Variants in MED12L observed in about 807,000 individuals in gnomAD.
MED12L encodes mediator complex subunit 12L, also known as mediator of RNA polymerase II transcription subunit 12-like protein.
MED12L carries 60 observed loss-of-function variants against 281.3 expected under a neutral mutation model. That is an observed-to-expected ratio of 0.21 (90% CI 0.17 to 0.26). MED12L has a LOEUF of 0.26. MED12L is among the 10% of genes least tolerant of loss of function. The pLI, the probability that MED12L is intolerant of heterozygous loss-of-function variation, is 1.00. For missense variants in MED12L, 2,146 were observed against 2,680.9 expected (o/e 0.80, Z 4.41); for synonymous variants, 974 against 987.2 (o/e 0.99, Z 0.25).
chr3:151,235,165 A>G (rs1185759895), intron 16 of MED12L, among the ~76,000 whole-genome samples: 1 of 152,176 alleles, frequency 6.6e-6, no homozygotes, highest in Non-Finnish European at 1.5e-5. Flanking sequence ...ATAAAAAGTA[A>G]AAGCTTAACC....
chr3:151,350,112 C>G lies in MED12L; in HGVS notation c.2304C>G (p.Val768=). The G allele has an allele frequency of 6.2e-7, 1 of 1,612,890 alleles. No individual in the cohort carries two copies. Among genetic ancestry groups the G allele is most frequent in the South Asian group, 1.1e-5 (1 of 90,960 alleles). Residue 768 remains valine (V), a synonymous_variant, in exon 17 of 45, where the codon GTC becomes GTG. Transcript: ENST00000687756. ...CNQRTILLYG[V]GKERDEARHQ... ...AGCGCACAATCCTTCTCTATGGAGT[C>G]GGCAAAGAGCGTGATGAAGCAAGGC...
intron 16 of MED12L, chr3:151,326,424 T>C (rs1039831986): frequency 2.6e-5 from 4 of 152,484 alleles, no homozygotes; most frequent in Admixed American, 1.3e-4. Context: ...TACAATGCAA[T>C]GTGATAAGTT....
Position 151,223,656 on chromosome 3 carries a change from G to C in MED12L, c.2250+29990G>C, listed in dbSNP as rs1047387080. Among the ~76,000 whole-genome samples the C allele has an allele frequency of 9.8e-5, 15 of 152,308 alleles. No homozygotes were observed. The South Asian group carries it at 3.1e-3, about 32-fold the overall frequency. ...AACATTGGATACACATGGACACAAA[G>C]ATGGGAACAGTAGACACTGGAGACT... On this transcript the variant is annotated intron_variant, in intron 16 of 44. Transcript: ENST00000687756.
At chr3:151,365,257 G>C in intron 22 of MED12L, 51 bp downstream of exon 22, 3 of 1,482,382 alleles carry the variant, frequency 2.0e-6, no homozygotes, top group Non-Finnish European at 2.8e-6. Context: ...TTGTTGCCTT[G>C]GTGCTTCTTT....
chr3:151,385,713 TGGG>T (rs76491731), intron 36 of MED12L, among the ~76,000 whole-genome samples: 13 of 119,048 alleles, frequency 1.1e-4, no homozygotes, highest in Non-Finnish European at 1.2e-4. Flanking sequence ...ACCCTGTCTC[TGGG>T]GGGGGAAAAA....
At chr3:151,146,218 G>A (rs1717737505) in intron 5 of MED12L, among the ~76,000 whole-genome samples, 1 of 152,176 alleles carries the variant, frequency 6.6e-6, no homozygotes, top group African/African-American at 2.4e-5. Context: ...TTGTGCACTA[G>A]CGTTTGAGGA....
At chr3:151,328,921 C>T in intron 16 of MED12L, 2 of 1,613,854 alleles carry the variant, frequency 1.2e-6, no homozygotes, top group Non-Finnish European at 1.7e-6. Flanking sequence ...CTGGGAATAC[C>T]AGCTGTACTA....
At chr3:151,402,875 T>A (rs1466749992) in intron 39 of MED12L, among the ~76,000 whole-genome samples, 1 of 152,166 alleles carries the variant, frequency 6.6e-6, no homozygotes, top group African/African-American at 2.4e-5. Context: ...GTCATTAGGC[T>A]AAAAAATCTT....
intron 2 of MED12L, among the ~76,000 whole-genome samples, chr3:151,114,346 GC>G (rs1191920711): frequency 6.6e-6 from 1 of 152,066 alleles, no homozygotes; most frequent in Non-Finnish European, 1.5e-5. Context: ...CAAAACAGTG[GC>G]CCGCCAAGGC....
intron 15 of MED12L, 93 bp downstream of exon 15, chr3:151,192,747 G>A (rs1724151898): frequency 2.5e-6 from 2 of 785,890 alleles, no homozygotes; most frequent in Non-Finnish European, 4.3e-6. Context: ...AGAATGACTT[G>A]CACATTTGTG....
Position 151,086,884 on chromosome 3 carries a change from C to A in MED12L, c.-43C>A. On this transcript the variant is annotated 5_prime_UTR_variant, in exon 2 of 45. Coordinates refer to ENST00000687756, the MANE Select transcript of MED12L (RefSeq NM_001393769.1). ...CCCTGGTGCTCAGAGGCGGCTGCTC[C>A]AGCTCCAACTCTCATTCATTTCGCC... The A allele has an allele frequency of 6.7e-7, 1 of 1,498,266 alleles. No individual in the cohort carries two copies. Among genetic ancestry groups the A allele is most frequent in the Non-Finnish European group, 9.0e-7 (1 of 1,105,566 alleles). The allele number at this position is 1,498,266 out of a possible 1,614,324, so 92.8% of individuals were successfully genotyped here. A position where few individuals can be genotyped will look rare whatever the true frequency, so the allele number is the denominator to read the frequency against.
intron 5 of MED12L, among the ~76,000 whole-genome samples, chr3:151,132,164 A>C (rs1177633832): frequency 6.6e-6 from 1 of 152,208 alleles, no homozygotes; most frequent in Non-Finnish European, 1.5e-5. Context: ...TATTTTTAAA[A>C]TGTATGAATT....
intron 16 of MED12L, chr3:151,270,090 T>A (rs1577190437): frequency 1.4e-5 from 3 of 220,126 alleles, no homozygotes; most frequent in South Asian, 6.1e-5. Flanking sequence ...ATGAAGATGA[T>A]GATGAAAGGG....
At chr3:151,093,374 C>G (rs966982540) in intron 2 of MED12L, among the ~76,000 whole-genome samples, 3 of 152,158 alleles carry the variant, frequency 2.0e-5, no homozygotes, top group African/African-American at 7.2e-5. Context: ...GAAGGAAGCT[C>G]AGAAATTTGC....
At chr3:151,158,129 G>C (rs1399988482) in intron 6 of MED12L, among the ~76,000 whole-genome samples, 1 of 152,128 alleles carries the variant, frequency 6.6e-6, no homozygotes, top group Non-Finnish European at 1.5e-5. Context: ...TTTTATTGTA[G>C]TTGTGTTGAA....
At chr3:151,402,087 A>C (rs187973054) in intron 39 of MED12L, among the ~76,000 whole-genome samples, 2 of 152,312 alleles carry the variant, frequency 1.3e-5, no homozygotes, top group African/African-American at 4.8e-5. Flanking sequence ...TTATGTACCT[A>C]TATGTAAAAT....
Position 151,430,243 on chromosome 3 carries a change from T to G in MED12L, c.6409-56T>G, listed in dbSNP as rs563923722. On this transcript the variant is annotated intron_variant, in intron 43 of 44. Transcript: ENST00000687756. ...GGCCCTGCGAGTTAGTCTCTGTTCTTGTCTGTGATTGGCACCATGGAATGA... is the reference window on the plus strand; with the variant it reads ...GGCCCTGCGAGTTAGTCTCTGTTCTGGTCTGTGATTGGCACCATGGAATGA... 5.0e-6 allele frequency: 8 copies of G among 1,610,440 alleles called. No individual in the cohort carries two copies. In the East Asian group the frequency reaches 1.8e-4, roughly 36 times the overall value.
At chr3:151,194,556 A>C (rs1368663829) in intron 16 of MED12L, among the ~76,000 whole-genome samples, 1 of 152,172 alleles carries the variant, frequency 6.6e-6, no homozygotes, top group Non-Finnish European at 1.5e-5. Context: ...GAACAAGAGT[A>C]TTTTAGTTGA....
Position 151,192,583 on chromosome 3 carries a change from T to C in MED12L, c.2002T>C (p.Ser668Pro). 1.3e-6 allele frequency: 2 copies of C among 1,536,228 alleles called. No individual in the cohort carries two copies. The highest frequency in any genetic ancestry group is 1.7e-6 in the Non-Finnish European group (2 of 1,146,822). The change falls in exon 15 of 45, where the codon TCA (serine) becomes CCA (proline). Residue 668 changes from serine to proline, a missense_variant. Ser to Pro is a moderately conservative substitution (Grantham distance 74). Around this residue, in one of 9 missense-constraint regions of MED12L, gnomAD observed 722 missense variants for 861.2 expected, o/e 0.84. Coordinates refer to ENST00000687756, the MANE Select transcript of MED12L (RefSeq NM_001393769.1). ...TATTATGGCGCATATGGGCATTGAC[T>C]CAGGAACCACTAACATTTTTGATGA... is the stretch of plus-strand genomic sequence containing the variant. ...QSIMAHMGID[S>P]GTTNIFDEVD...
Sources: gnomAD v4.1 joint callset for allele counts (sites outside exome capture counted in the v4.1 genomes callset) on GRCh38, gnomAD v4.1.1 for gene constraint, gnomAD v4.1.1 regional missense constraint, MANE v1.5 for transcripts, NCBI Gene and HGNC (gene_info 2026-07-23, HGNC 2026-07-21) for gene names.